Variants in CRYBG1 observed in about 807,000 individuals in gnomAD.
CRYBG1 encodes the protein crystallin beta-gamma domain containing 1, also known as beta/gamma crystallin domain-containing protein 1.
Under a neutral mutation model 189.2 loss-of-function variants are expected in CRYBG1, and 139 were observed. The observed-to-expected ratio is 0.73, with a 90% CI of 0.64 to 0.85. CRYBG1 has a LOEUF of 0.85. CRYBG1 is among the 40% of genes least tolerant of loss of function. The pLI is 0.00. For missense variants in CRYBG1, 2,611 were observed against 2,675.8 expected, an observed-to-expected ratio of 0.98 and a Z score of 0.53; for synonymous variants, 1,023 against 1,017.1, an observed-to-expected ratio of 1.01 and a Z score of -0.11.
In CRYBG1 at chr6:106,472,739, T is replaced by TA. The variant is rs34089235; in HGVS notation, c.312+20922dup. Among the ~76,000 whole-genome samples the TA allele has an allele frequency of 2.1e-3, 309 of 144,722 alleles. 3 individuals carry two copies. Among genetic ancestry groups the TA allele is most frequent in the African/African-American group, 6.9e-3 (268 of 38,770 alleles). The allele number at this position is 144,722 out of a possible 152,430, so 94.9% of individuals were successfully genotyped here. ...GCGAAACTTCATTTCCACAAAATAT[T>TA]AAAAAAAAAAAAAAATTAGCCAGGT... On this transcript the variant is annotated intron_variant, in intron 2 of 21. Transcript: ENST00000633556.
intron 1 of CRYBG1, among the ~76,000 whole-genome samples, chr6:106,408,673 G>A (rs529368220): frequency 8.5e-5 from 13 of 152,288 alleles, no homozygotes; most frequent in Non-Finnish European, 1.5e-4. Flanking sequence ...TATCCACCAC[G>A]ATCAAGTTGG....
chr6:106,518,735 A>C (rs986587545), intron 3 of CRYBG1, among the ~76,000 whole-genome samples: 2 of 152,174 alleles, frequency 1.3e-5, no homozygotes, highest in African/African-American at 4.8e-5. Context: ...AGATGGGAGG[A>C]TTGCTTGAAG....
At chr6:106,369,585 T>C (rs144121426) in intron 1 of CRYBG1, among the ~76,000 whole-genome samples, 73 of 152,336 alleles carry the variant, frequency 4.8e-4, no homozygotes, top group African/African-American at 1.8e-3. Flanking sequence ...GTCTTTGGAT[T>C]CGTTTTTTAA....
At chr6:106,490,361 G>A (rs1457293798) in intron 2 of CRYBG1, among the ~76,000 whole-genome samples, 2 of 152,302 alleles carry the variant, frequency 1.3e-5, no homozygotes, top group South Asian at 2.1e-4. Flanking sequence ...AGTTTAGGGG[G>A]GAGCAGTTCA....
intron 21 of CRYBG1, among the ~76,000 whole-genome samples, chr6:106,567,276 GT>G (rs903143854): frequency 3.3e-5 from 5 of 152,188 alleles, no homozygotes; most frequent in South Asian, 2.1e-4. Context: ...TTTGCTGGTA[GT>G]TTTTTCCCTA....
intron 1 of CRYBG1, among the ~76,000 whole-genome samples, chr6:106,367,171 T>C (rs1772016913): frequency 6.6e-6 from 1 of 152,198 alleles, no homozygotes; most frequent in Non-Finnish European, 1.5e-5. Flanking sequence ...CCCCTCTATT[T>C]CCACACTTTC....
chr6:106,502,872 C>T (rs980413660), intron 2 of CRYBG1, among the ~76,000 whole-genome samples: 2 of 152,328 alleles, frequency 1.3e-5, no homozygotes, highest in African/African-American at 2.4e-5. Context: ...TCTTCCAAGG[C>T]CCTCTCCTTA....
intron 2 of CRYBG1, among the ~76,000 whole-genome samples, chr6:106,500,473 A>T (rs946939790): frequency 1.4e-5 from 2 of 147,246 alleles, no homozygotes; most frequent in African/African-American, 5.0e-5. Flanking sequence ...GTCTTCTTTT[A>T]TGAAATGCCA....
At chr6:106,390,601 G>A (rs373176082) in intron 1 of CRYBG1, among the ~76,000 whole-genome samples, 11 of 47,392 alleles carry the variant, frequency 2.3e-4, no homozygotes, top group African/African-American at 5.5e-4. Flanking sequence ...CCTACGCCCC[G>A]TCATGAAAAT....
In CRYBG1 at chr6:106,438,719, A is replaced by G. The variant is rs529625241; in HGVS notation, c.174-12975A>G. 4.6e-5 allele frequency among the ~76,000 whole-genome samples: 7 copies of G among 152,358 alleles called. No homozygotes were observed. In the East Asian group the frequency reaches 1.2e-3, roughly 25 times the overall value. ...ATATCTTCCTTTTTCTACTAGTAAA[A>G]CAGATAAACTATTGATAGGAAAGTG... On this transcript the variant is annotated intron_variant, in intron 1 of 21. Coordinates refer to ENST00000633556, the MANE Select transcript of CRYBG1 (RefSeq NM_001371242.2).
At chr6:106,367,473 T>G (rs9373854) in intron 1 of CRYBG1, among the ~76,000 whole-genome samples, 100,439 of 150,668 alleles carry the variant, frequency 0.67, 33,599 homozygotes, top group African/African-American at 0.74. Flanking sequence ...TGTAATCCCG[T>G]CTACTTGGGA....
In CRYBG1 at chr6:106,511,411, C is replaced by T. The variant is rs942169172; in HGVS notation, c.313-19C>T. 2 of 1,525,496 alleles carry T rather than the reference C, an allele frequency of 1.3e-6. No homozygotes were observed. Among genetic ancestry groups the T allele is most frequent in the African/African-American group, 2.7e-5 (2 of 72,730 alleles). The allele number at this position is 1,525,496 out of a possible 1,614,324, so 94.5% of individuals were successfully genotyped here. A position where few individuals can be genotyped will look rare whatever the true frequency, so the allele number is the denominator to read the frequency against. On this transcript the variant is annotated intron_variant, in intron 2 of 21. Transcript: ENST00000633556. ...ACCAGATTCTCATATGTTCCCTCCT[C>T]ATCCCTTTTATTTTTCAGTCCAGAG...
At chr6:106,396,541 C>T (rs1476069758) in intron 1 of CRYBG1, among the ~76,000 whole-genome samples, 5 of 152,142 alleles carry the variant, frequency 3.3e-5, no homozygotes, top group African/African-American at 9.7e-5. Flanking sequence ...AAAACCAGCA[C>T]GTAAAATCTC....
intron 13 of CRYBG1, among the ~76,000 whole-genome samples, chr6:106,551,171 T>C (rs1173319599): frequency 6.6e-6 from 1 of 152,108 alleles, no homozygotes; most frequent in Admixed American, 6.6e-5. Context: ...CCTATTTTTT[T>C]TTCTTCTTTA....
At position 106,520,252 on chromosome 6, in the gene CRYBG1, C is replaced by G. The variant is rs749782274; in HGVS notation, c.3044C>G (p.Ser1015Cys). Residue 1015 changes from serine (S) to cysteine (C), a missense_variant, in exon 4 of 22, where the codon TCT becomes TGT. This residue lies in a region of CRYBG1 where 1,622 missense variants were observed against 1,735.0 expected (regional missense o/e 0.93). Transcript: ENST00000633556. Reference protein sequence around the residue: ...PQEEVLGNEHSHCTAELAAKS... With the variant: ...PQEEVLGNEHCHCTAELAAKS... ...GAGGAAGTACTGGGCAATGAACACT[C>G]TCATTGCACAGCAGAGCTCGCGGCA... 1.9e-6 allele frequency: 3 copies of G among 1,614,058 alleles called. No homozygotes were observed. The highest frequency in any genetic ancestry group is 1.7e-5 in the Admixed American group (1 of 59,998).
intron 4 of CRYBG1, 128 bp downstream of exon 4, chr6:106,521,581 C>A: frequency 2.7e-6 from 3 of 1,121,938 alleles, no homozygotes; most frequent in Non-Finnish European, 3.7e-6. Flanking sequence ...ATTCATTCAT[C>A]ACATATTTGA....
chr6:106,434,272 G>T (rs1192608543), intron 1 of CRYBG1, among the ~76,000 whole-genome samples: 1 of 152,196 alleles, frequency 6.6e-6, no homozygotes, highest in Non-Finnish European at 1.5e-5. Flanking sequence ...TTCTGTATAA[G>T]AGAGGACACG....
At chr6:106,559,081 C>T (rs985858282) in intron 18 of CRYBG1, among the ~76,000 whole-genome samples, 7 of 152,258 alleles carry the variant, frequency 4.6e-5, no homozygotes, top group African/African-American at 1.7e-4. Context: ...GAACACTTTT[C>T]CACTGGGAAA....
intron 15 of CRYBG1, 101 bp from the exon 16 acceptor site, chr6:106,553,354 A>G (rs1281072664): frequency 5.5e-6 from 4 of 726,032 alleles, no homozygotes; most frequent in Admixed American, 5.3e-5. Flanking sequence ...GTTTACTGTA[A>G]CAAAAGTCAG....
Sources: allele counts gnomAD v4.1 joint callset (sites outside exome capture counted in the v4.1 genomes callset), GRCh38; gene constraint gnomAD v4.1.1; regional missense constraint gnomAD v4.1.1; transcripts MANE v1.5; gene names NCBI Gene and HGNC (gene_info 2026-07-23, HGNC 2026-07-21).